Variants in DIXDC1 observed in about 807,000 individuals in gnomAD.
DIXDC1 encodes dixin.
In DIXDC1, 64 loss-of-function variants were observed where a neutral mutation model predicts 103.1. The ratio of observed to expected loss-of-function variants is 0.62; its 90% confidence interval spans 0.51 to 0.76. The LOEUF is 0.76. Ranked by LOEUF, DIXDC1 falls within the 30% of genes least tolerant of loss-of-function variation. DIXDC1 has a pLI of 0.00. For missense variants in DIXDC1, 759 were observed against 834.2 expected, an observed-to-expected ratio of 0.91 and a Z score of 1.11; for synonymous variants, 266 against 298.5, an observed-to-expected ratio of 0.89 and a Z score of 1.12.
At chr11:111,933,545 TC>T (rs1220932335), upstream of DIXDC1, among the ~76,000 whole-genome samples, 1 of 152,140 alleles carries the variant, frequency 6.6e-6, no homozygotes, top group African/African-American at 2.4e-5. Flanking sequence ...TCCTCCCACC[TC>T]AGCCTCCTGA....
upstream of DIXDC1, chr11:111,937,285 ACCGCGCCGGG>A: frequency 2.3e-6 from 3 of 1,312,222 alleles, no homozygotes; most frequent in Non-Finnish European, 2.9e-6. Context: ...AGGAACCGCG[ACCGCGCCGGG>A]CCCCTCCAGC....
rs1860776799 is a variant in DIXDC1, at chr11:111,993,539, C to T, written c.1316C>T (p.Ala439Val). 6 of 1,613,844 alleles carry T rather than the reference C, an allele frequency of 3.7e-6. No individual in the cohort carries two copies. Among genetic ancestry groups the T allele is most frequent in the Non-Finnish European group, 5.1e-6 (6 of 1,179,894 alleles). The change falls in exon 13 of 20, where the codon GCC becomes GTC. Residue 439 changes from alanine to valine, a missense_variant. This residue lies in a region of DIXDC1 where 657 missense variants were observed against 727.5 expected (regional missense o/e 0.90). Transcript: ENST00000440460. ...GATCGCCTTCTTCAGCAGCACCAGGCCAAGTTAGAAGAAGCACTCCGGAAA... is the reference window on the plus strand; with the variant it reads ...GATCGCCTTCTTCAGCAGCACCAGGTCAAGTTAGAAGAAGCACTCCGGAAA... The part of the protein sequence containing the change: ...QKDRLLQQHQ[A>V]KLEEALRKLS...
At chr11:111,985,203 A>T in intron 7 of DIXDC1, 29 bp from the exon 8 acceptor site, 1 of 1,577,548 alleles carries the variant, frequency 6.3e-7, no homozygotes, top group African/African-American at 1.3e-5. Flanking sequence ...AGGAGAGTTA[A>T]GTTTCTTTCT....
intron 2 of DIXDC1, among the ~76,000 whole-genome samples, chr11:111,965,368 G>A (rs1468023765): frequency 6.6e-6 from 1 of 152,184 alleles, no homozygotes; most frequent in Non-Finnish European, 1.5e-5. Flanking sequence ...AGCAGGCATA[G>A]TATAATGTTT....
chr11:111,943,491 T>C (rs1555169067), intron 1 of DIXDC1, among the ~76,000 whole-genome samples: 3 of 133,578 alleles, frequency 2.2e-5, no homozygotes, highest in Middle Eastern at 3.5e-3. Context: ...TTCTCTCTTT[T>C]TTTTTTTTTT....
chr11:112,009,185 G>A (rs1016945633), intron 17 of DIXDC1, among the ~76,000 whole-genome samples: 2 of 152,092 alleles, frequency 1.3e-5, no homozygotes, highest in African/African-American at 2.4e-5. Flanking sequence ...ACACCTCTAC[G>A]CAAATAAACT....
intron 17 of DIXDC1, among the ~76,000 whole-genome samples, chr11:112,005,322 G>C (rs1555176479): frequency 6.6e-6 from 1 of 152,038 alleles, no homozygotes; most frequent in African/African-American, 2.4e-5. Flanking sequence ...GTATAAAGAT[G>C]ATACATAATA....
At chr11:112,012,448 T>C (rs952603138) in intron 17 of DIXDC1, among the ~76,000 whole-genome samples, 1 of 152,292 alleles carries the variant, frequency 6.6e-6, no homozygotes, top group African/African-American at 2.4e-5. Context: ...GCAAAGACAA[T>C]TGAATGATAA....
chr11:111,977,211 A>G lies in DIXDC1; in HGVS notation c.656+2228A>G. The stretch of plus-strand genomic sequence containing the variant: ...GCCCGCACCCTCAACCTCCGTCCAG[A>G]GCGGTCGGTTGGCCAGCGGAGCTGG... On this transcript the variant is annotated intron_variant, in intron 5 of 19. Transcript: ENST00000440460. The surrounding 1 kb of genome is among the most constrained non-coding windows in gnomAD (Gnocchi z 6.1). 1 of 966,660 alleles carries G rather than the reference A, an allele frequency of 1.0e-6. No individual in the cohort carries two copies. The highest frequency in any genetic ancestry group is 1.2e-6 in the Non-Finnish European group (1 of 811,146). 59.9% of individuals were successfully genotyped at this position (966,660 alleles called of 1,614,324 possible).
rs1343502873 is a variant in DIXDC1, at chr11:112,021,141, G to C, written c.*2105G>C. 2.0e-5 allele frequency: 3 copies of C among 152,166 alleles called. No individual in the cohort carries two copies. The highest frequency in any genetic ancestry group is 7.2e-5 in the African/African-American group (3 of 41,436). 9.4% of individuals were successfully genotyped at this position (152,166 alleles called of 1,614,324 possible). On this transcript the variant is annotated 3_prime_UTR_variant, in exon 20 of 20. Coordinates refer to ENST00000440460, the MANE Select transcript of DIXDC1 (RefSeq NM_001037954.4). Reference sequence around the variant, plus strand: ...ATTATGTGGAATTTAACTTTTCAGAGAAAATTTCCAAAGTCCTCTACCTTA... The same window carrying C: ...ATTATGTGGAATTTAACTTTTCAGACAAAATTTCCAAAGTCCTCTACCTTA...
Position 112,016,798 on chromosome 11 carries a change from T to C in DIXDC1, c.1862+2T>C. 1 of 1,598,646 alleles carries C rather than the reference T, an allele frequency of 6.3e-7. No homozygotes were observed. Among genetic ancestry groups the C allele is most frequent in the Non-Finnish European group, 8.5e-7 (1 of 1,171,036 alleles). On this transcript the variant is annotated splice_donor_variant, in intron 18 of 19. Coordinates refer to ENST00000440460, the MANE Select transcript of DIXDC1 (RefSeq NM_001037954.4). LOFTEE classifies it high-confidence loss of function. ...CTTCATGGTCAATATACCAAAGAGG[T>C]GAGATTCTGGGATCATTGTATTTCA... is the stretch of plus-strand genomic sequence containing the variant.
In DIXDC1 at chr11:111,995,578, T is replaced by C. The variant is rs1555175305; in HGVS notation, c.1689+14T>C. The C allele has an allele frequency of 1.2e-6, 2 of 1,613,490 alleles. No homozygotes were observed. The highest frequency in any genetic ancestry group is 1.7e-6 in the Non-Finnish European group (2 of 1,179,832). On this transcript the variant is annotated intron_variant, in intron 16 of 19. Coordinates refer to ENST00000440460, the MANE Select transcript of DIXDC1 (RefSeq NM_001037954.4). Reference sequence around the variant, plus strand: ...CAAGAAAGAAAGGTAACCCTCTTGCTGTGGTATCTCTCTTAGGCAAGCTCC... The same window carrying C: ...CAAGAAAGAAAGGTAACCCTCTTGCCGTGGTATCTCTCTTAGGCAAGCTCC...
At chr11:111,986,776 T>C in intron 8 of DIXDC1, 95 bp from the exon 9 acceptor site, 1 of 1,076,980 alleles carries the variant, frequency 9.3e-7, no homozygotes, top group Non-Finnish European at 1.4e-6. Context: ...AGTACAGAGC[T>C]GGCATCTAGT....
rs587682003 is a variant in DIXDC1, at chr11:111,989,112, G to A, written c.1113+57G>A. The A allele has an allele frequency of 8.3e-6, 12 of 1,441,320 alleles. No individual in the cohort carries two copies. The Admixed American group carries it at 1.1e-4, about 13-fold the overall frequency. The allele number at this position is 1,441,320 out of a possible 1,614,324, so 89.3% of individuals were successfully genotyped here. A position where few individuals can be genotyped will look rare whatever the true frequency, so the allele number is the denominator to read the frequency against. On this transcript the variant is annotated intron_variant, in intron 10 of 19. Coordinates refer to ENST00000440460, the MANE Select transcript of DIXDC1 (RefSeq NM_001037954.4). ...AAGTCTCTGCAATGTAAAGTAGTCT[G>A]TTGGTGAGTGGTGAGAGTTGGAATT...
intron 17 of DIXDC1, among the ~76,000 whole-genome samples, chr11:112,004,218 A>G (rs1266897515): frequency 6.6e-6 from 1 of 152,024 alleles, no homozygotes; most frequent in Non-Finnish European, 1.5e-5. Flanking sequence ...TTTTGGTTAA[A>G]AAAAGGTTGG....
chr11:111,966,298 C>T (rs1859729315), intron 2 of DIXDC1, among the ~76,000 whole-genome samples: 1 of 141,384 alleles, frequency 7.1e-6, no homozygotes, highest in Non-Finnish European at 1.5e-5. Context: ...TCTCGGCTCA[C>T]TGCAGCCTCC....
chr11:111,961,737 G>A (rs782168596), intron 1 of DIXDC1, among the ~76,000 whole-genome samples: 16 of 152,132 alleles, frequency 1.1e-4, no homozygotes, highest in Non-Finnish European at 1.8e-4. Context: ...TTGTCCCCCC[G>A]CAATTAACTT....
intron 1 of DIXDC1, among the ~76,000 whole-genome samples, chr11:111,929,165 C>G (rs1555167395): frequency 6.6e-6 from 1 of 152,074 alleles, no homozygotes; most frequent in Non-Finnish European, 1.5e-5. Flanking sequence ...GGCGACAGAG[C>G]AAGATTCTGT....
At chr11:112,004,801 G>C (rs1348038118) in intron 17 of DIXDC1, among the ~76,000 whole-genome samples, 1 of 152,214 alleles carries the variant, frequency 6.6e-6, no homozygotes, top group Non-Finnish European at 1.5e-5. Context: ...GTGGTGCACT[G>C]AAGGTAACCT....
Sources: gnomAD v4.1 joint callset for allele counts (sites outside exome capture counted in the v4.1 genomes callset) on GRCh38, gnomAD v4.1.1 for gene constraint, gnomAD v4.1.1 regional missense constraint, Gnocchi (gnomAD v3.1) non-coding constraint, MANE v1.5 for transcripts, NCBI Gene and HGNC (gene_info 2026-07-23, HGNC 2026-07-21) for gene names.